Variants in FIRRM observed in about 807,000 individuals in gnomAD.
FIRRM encodes FIGNL1 interacting regulator of recombination and mitosis.
the FIRRM span, chr1:169,850,427 T>G: frequency 1.1e-6 from 1 of 914,228 alleles, no homozygotes; most frequent in Non-Finnish European, 1.7e-6. Context: ...CCAACCTGAG[T>G]GTCTTCTTAG....
the FIRRM span, among the ~76,000 whole-genome samples, chr1:169,799,552 T>C: frequency 6.6e-6 from 1 of 151,910 alleles, no homozygotes; most frequent in East Asian, 1.9e-4. Context: ...TGGGACCTAA[T>C]TTTTTTTTCC....
chr1:169,829,362 T>C, the FIRRM span: 1 of 1,613,934 alleles, frequency 6.2e-7, no homozygotes, highest in Non-Finnish European at 8.5e-7. Flanking sequence ...AGGGGAAAGC[T>C]GAGGTGGCTG....
the FIRRM span, chr1:169,793,025 T>C: frequency 1.9e-6 from 3 of 1,614,170 alleles, no homozygotes; most frequent in Non-Finnish European, 1.7e-6. Flanking sequence ...GGTTACTTCA[T>C]CAATCACCAT....
the FIRRM span, among the ~76,000 whole-genome samples, chr1:169,836,503 C>T: frequency 2.0e-5 from 3 of 152,092 alleles, no homozygotes; most frequent in Non-Finnish European, 4.4e-5. Context: ...AAGTTCTCTG[C>T]TATAATCAAG....
At chr1:169,832,136 A>C in the FIRRM span, among the ~76,000 whole-genome samples, 1 of 152,232 alleles carries the variant, frequency 6.6e-6, no homozygotes, top group African/African-American at 2.4e-5. Flanking sequence ...GATCTTAAAA[A>C]GTTCCATGAA....
chr1:169,829,244 G>C, the FIRRM span: 6 of 1,517,676 alleles, frequency 4.0e-6, no homozygotes, highest in Non-Finnish European at 5.3e-6. Flanking sequence ...TGGGTTCAAT[G>C]TTCTCAATTT....
chr1:169,823,359 A>G, the FIRRM span: 2 of 1,167,810 alleles, frequency 1.7e-6, no homozygotes, highest in Non-Finnish European at 2.5e-6. Flanking sequence ...TATATGTACT[A>G]AAGAGACATA....
chr1:169,796,544 C>T, the FIRRM span, among the ~76,000 whole-genome samples: 7 of 152,232 alleles, frequency 4.6e-5, no homozygotes, highest in African/African-American at 1.7e-4. Context: ...GTTTCTGATT[C>T]CAAACTATGT....
chr1:169,801,159 C>T, the FIRRM span, among the ~76,000 whole-genome samples: 89 of 152,040 alleles, frequency 5.9e-4, no homozygotes, highest in African/African-American at 2.0e-3. Flanking sequence ...AAAACTGTTA[C>T]AGGCTGGGCA....
At chr1:169,816,477 G>A in the FIRRM span, among the ~76,000 whole-genome samples, 1 of 152,052 alleles carries the variant, frequency 6.6e-6, no homozygotes, top group Admixed American at 6.5e-5. Context: ...TTTACTAAAG[G>A]CAAATCATGA....
chr1:169,794,255 G>C, the FIRRM span, among the ~76,000 whole-genome samples: 1 of 152,130 alleles, frequency 6.6e-6, no homozygotes, highest in Non-Finnish European at 1.5e-5. Flanking sequence ...CACCCCCTAA[G>C]CTTCCAGAAT....
the FIRRM span, chr1:169,801,015 C>T: frequency 3.7e-5 from 36 of 976,304 alleles, 1 homozygote; most frequent in South Asian, 5.0e-4. Flanking sequence ...AGGAATCTAG[C>T]CTCAGTCTTA....
chr1:169,810,544 ACAT>A, the FIRRM span, among the ~76,000 whole-genome samples: 1 of 152,006 alleles, frequency 6.6e-6, no homozygotes, highest in Admixed American at 6.6e-5. Context: ...CTGTGTCTTC[ACAT>A]CATCTTTTTA....
At chr1:169,842,433 C>T in the FIRRM span, 40 of 1,613,648 alleles carry the variant, frequency 2.5e-5, 1 homozygote, top group Middle Eastern at 3.3e-4. Context: ...GTACTGTCTG[C>T]TTTGCTTGCA....
At chr1:169,815,839 A>G in the FIRRM span, among the ~76,000 whole-genome samples, 4 of 152,108 alleles carry the variant, frequency 2.6e-5, no homozygotes, top group African/African-American at 9.7e-5. Flanking sequence ...CCTCCCTTTT[A>G]TAAGGGAACC....
At chr1:169,799,039 A>G in the FIRRM span, 1 of 509,144 alleles carries the variant, frequency 2.0e-6, no homozygotes, top group Non-Finnish European at 3.4e-6. Context: ...ATGTGTTCTT[A>G]CAGTTTTGTA....
chr1:169,816,193 C>T, the FIRRM span, among the ~76,000 whole-genome samples: 3 of 94,698 alleles, frequency 3.2e-5, no homozygotes, highest in Non-Finnish European at 6.3e-5. Flanking sequence ...AATAAGAAGG[C>T]TTTCCATGAA....
At chr1:169,807,966 C>A in the FIRRM span, 1 of 1,578,924 alleles carries the variant, frequency 6.3e-7, no homozygotes. Flanking sequence ...AACAGCAACT[C>A]TTATTTTCTT....
At chr1:169,792,144 CA>C in the FIRRM span, among the ~76,000 whole-genome samples, 9 of 152,202 alleles carry the variant, frequency 5.9e-5, no homozygotes, top group Non-Finnish European at 1.0e-4. Context: ...AATATAAAAA[CA>C]AAACGAAACA....
Sources: allele counts gnomAD v4.1 joint callset (sites outside exome capture counted in the v4.1 genomes callset), GRCh38; gene constraint gnomAD v4.1.1; transcripts MANE v1.5; gene names NCBI Gene and HGNC (gene_info 2026-07-23, HGNC 2026-07-21).